THOC5: variants seen among roughly 807,000 people sequenced by gnomAD.
THOC5 encodes the protein THO complex subunit 5.
A neutral mutation model predicts 92.9 loss-of-function variants in THOC5; 43 were observed. The ratio of observed to expected loss-of-function variants is 0.46; its 90% CI spans 0.36 to 0.60. THOC5 has a LOEUF of 0.60. THOC5 is among the 20% of genes least tolerant of loss of function. The pLI, the probability that THOC5 is intolerant of heterozygous loss-of-function variation, is 0.00. For synonymous variants in THOC5, 296 were observed against 320.1 expected (o/e 0.92, Z 0.80); for missense variants, 659 against 849.4 (o/e 0.78, Z 2.79).
rs756862217 is a variant in THOC5, at chr22:29,517,069, G to A, written c.1641C>T (p.Asp547=). ...KDIVDAGLAG[D]TNLYYMALIE... ...TGAGCGCCATGTAGTAGAGATTGGT[G>A]TCCCCAGCCAGTCCCGCATCCACAA... The change falls in exon 17 of 20, where the codon GAC becomes GAT. Residue 547 remains aspartate (D), a synonymous_variant. Transcript: ENST00000490103. 2.8e-5 allele frequency: 45 copies of A among 1,614,134 alleles called. No individual in the cohort carries two copies. In the Middle Eastern group the frequency reaches 5.0e-4, roughly 18 times the overall value.
rs1405687503 is a variant in THOC5, at chr22:29,543,497, T to C, written c.286A>G (p.Met96Val). The change falls in exon 4 of 20, where the codon ATG becomes GTG. Residue 96 changes from methionine (M) to valine (V), a missense_variant. Transcript: ENST00000490103. ...AATCGGTTAAGCTTCTTTAGAGTCA[T>C]GAAATGCACACAGCTCTGGATCCTC... Reference protein sequence around the residue: ...ERRIQSCVHFMTLKKLNRLAH... With the variant: ...ERRIQSCVHFVTLKKLNRLAH... The C allele has an allele frequency of 6.2e-7, 1 of 1,614,008 alleles. No homozygotes were observed. Among genetic ancestry groups the C allele is most frequent in the Non-Finnish European group, 8.5e-7 (1 of 1,179,966 alleles).
chr22:29,531,723 T>G (rs2063658737), intron 8 of THOC5, 108 bp downstream of exon 8: 2 of 1,494,846 alleles, frequency 1.3e-6, no homozygotes, highest in Admixed American at 4.2e-5. Flanking sequence ...CCTGAGGGCT[T>G]CGGGCAGGAC....
At chr22:29,532,013 C>G (rs764506162) in intron 7 of THOC5, 50 bp from the exon 8 acceptor site, 11 of 1,592,412 alleles carry the variant, frequency 6.9e-6, no homozygotes, top group Non-Finnish European at 8.6e-6. Context: ...CCAGTCCACA[C>G]AGGAAAAAGT....
At chr22:29,533,361 T>C (rs2063693806) in intron 7 of THOC5, among the ~76,000 whole-genome samples, 1 of 152,164 alleles carries the variant, frequency 6.6e-6, no homozygotes, top group Admixed American at 6.6e-5. Flanking sequence ...ACAAAGACAT[T>C]TGATTTGTAA....
At chr22:29,535,706 G>A (rs975770300) in intron 7 of THOC5, 1 of 152,216 alleles carries the variant, frequency 6.6e-6, no homozygotes, top group African/African-American at 2.4e-5. Flanking sequence ...GGTAACAAGA[G>A]AAAATTTAAC....
At chr22:29,544,836 TAC>T (rs2063981315) in intron 2 of THOC5, among the ~76,000 whole-genome samples, 2 of 152,182 alleles carry the variant, frequency 1.3e-5, no homozygotes. Flanking sequence ...ATTCAGAATA[TAC>T]AGAGGAGTAT....
chr22:29,521,464 G>A (rs879625351), intron 12 of THOC5, among the ~76,000 whole-genome samples: 1 of 152,038 alleles, frequency 6.6e-6, no homozygotes, highest in Non-Finnish European at 1.5e-5. Context: ...TGGTGCCTAA[G>A]GCCTTACCTC....
chr22:29,552,028 C>T (rs1274252161), intron 1 of THOC5, among the ~76,000 whole-genome samples: 1 of 152,186 alleles, frequency 6.6e-6, no homozygotes, highest in African/African-American at 2.4e-5. Context: ...CGCGAGTGAT[C>T]GGCCAGCCTC....
At chr22:29,544,099 A>T (rs947552611) in intron 3 of THOC5, among the ~76,000 whole-genome samples, 1 of 152,170 alleles carries the variant, frequency 6.6e-6, no homozygotes, top group Non-Finnish European at 1.5e-5. Context: ...TATTAATGAT[A>T]ATTTCATTTT....
intron 18 of THOC5, 181 bp from the exon 19 acceptor site, chr22:29,511,477 A>C: frequency 1.7e-6 from 1 of 605,472 alleles, no homozygotes; most frequent in Non-Finnish European, 2.9e-6. Flanking sequence ...CAAGACAATG[A>C]GGTCTTCCTG....
At chr22:29,522,228 C>T (rs1302351362) in intron 12 of THOC5, among the ~76,000 whole-genome samples, 3 of 150,254 alleles carry the variant, frequency 2.0e-5, no homozygotes, top group South Asian at 2.1e-4. Context: ...GGCATGGTGG[C>T]GGGCGCCTAT....
chr22:29,545,895 G>A (rs1226157959), intron 2 of THOC5, among the ~76,000 whole-genome samples: 1 of 152,264 alleles, frequency 6.6e-6, no homozygotes, highest in Non-Finnish European at 1.5e-5. Context: ...TGCCTCAGTA[G>A]GGACTGTGTG....
At chr22:29,541,201 G>T (rs1787527455) in intron 5 of THOC5, among the ~76,000 whole-genome samples, 1 of 150,096 alleles carries the variant, frequency 6.7e-6, no homozygotes, top group South Asian at 2.1e-4. Flanking sequence ...AAAAAGAAAA[G>T]AAAAGAAAAG....
rs773596963 is a variant in THOC5 at position 29,517,228 on chromosome 22, G to C, written c.1593+35C>G. The C allele has an allele frequency of 5.0e-6, 8 of 1,609,070 alleles. No homozygotes were observed. In the East Asian group the frequency reaches 1.8e-4, roughly 36 times the overall value. On this transcript the variant is annotated intron_variant, in intron 16 of 19. Transcript: ENST00000490103. Reference sequence around the variant, plus strand: ...AGGTGACATGGTCCTGCAATCCTCAGGACAGTAAGGGTAACTTGTCACTCC... The same window carrying C: ...AGGTGACATGGTCCTGCAATCCTCACGACAGTAAGGGTAACTTGTCACTCC...
intron 7 of THOC5, chr22:29,535,677 G>A (rs1026100434): frequency 2.0e-5 from 3 of 152,130 alleles, no homozygotes; most frequent in African/African-American, 7.2e-5. Flanking sequence ...CCTATTTAAG[G>A]ACATTTAGAA....
intron 2 of THOC5, among the ~76,000 whole-genome samples, chr22:29,547,262 T>C (rs2064042557): frequency 6.6e-6 from 1 of 152,236 alleles, no homozygotes; most frequent in Non-Finnish European, 1.5e-5. Context: ...TTTCAGTCTC[T>C]TTGCTAAAAC....
intron 16 of THOC5, 34 bp from the exon 17 acceptor site, chr22:29,517,150 C>G: frequency 6.2e-7 from 1 of 1,610,082 alleles, no homozygotes; most frequent in Non-Finnish European, 8.5e-7. Context: ...AGGTGAACTG[C>G]TGGCTCCTCT....
chr22:29,510,615 GAAAC>G (rs1340289558), intron 19 of THOC5, among the ~76,000 whole-genome samples: 1 of 152,018 alleles, frequency 6.6e-6, no homozygotes, highest in African/African-American at 2.4e-5. Flanking sequence ...CAAAGAAAAG[GAAAC>G]AAACAAACAA....
At position 29,507,681 on chromosome 22, in the gene THOC5, C is replaced by T. The variant is rs377011196; in HGVS notation, c.*776G>A. On this transcript the variant is annotated 3_prime_UTR_variant, in exon 20 of 20. Coordinates refer to ENST00000490103, the MANE Select transcript of THOC5 (RefSeq NM_003678.5). Reference sequence around the variant, plus strand: ...GGCCCCCTTGTGACTTTCCTTATAACATTTTCTTTTCTCTAGTTTACTGTA... The same window carrying T: ...GGCCCCCTTGTGACTTTCCTTATAATATTTTCTTTTCTCTAGTTTACTGTA... 6.6e-6 allele frequency: 1 copy of T among 152,192 alleles called. No individual in the cohort carries two copies. The highest frequency in any genetic ancestry group is 1.5e-5 in the Non-Finnish European group (1 of 68,030). The allele number at this position is 152,192 out of a possible 1,614,324, so 9.4% of individuals were successfully genotyped here. A position where few individuals can be genotyped will look rare whatever the true frequency, so the allele number is the denominator to read the frequency against.
Sources: gnomAD v4.1 joint callset for allele counts (sites outside exome capture counted in the v4.1 genomes callset) on GRCh38, gnomAD v4.1.1 for gene constraint, MANE v1.5 for transcripts, NCBI Gene and HGNC (gene_info 2026-07-23, HGNC 2026-07-21) for gene names.